CYSTM1: variants seen among roughly 807,000 people sequenced by gnomAD.
CYSTM1 encodes the protein cysteine-rich transmembrane module-containing protein 1.
A neutral mutation model predicts 13.1 loss-of-function variants in CYSTM1; 4 were observed. The ratio of observed to expected loss-of-function variants is 0.31; its 90% CI spans 0.15 to 0.70. CYSTM1 has a LOEUF of 0.70. Among genes scored for constraint, CYSTM1 ranks in the 30% least tolerant of loss-of-function variants. The pLI, the probability that CYSTM1 is intolerant of heterozygous loss-of-function variation, is 0.72. For synonymous variants in CYSTM1, 36 were observed against 42.7 expected, an observed-to-expected ratio of 0.84 and a Z score of 0.62; for missense variants, 96 against 121.6, an observed-to-expected ratio of 0.79 and a Z score of 0.99.
chr5:140,214,702 G>C (rs1262493648), intron 2 of CYSTM1, among the ~76,000 whole-genome samples: 1 of 152,188 alleles, frequency 6.6e-6, no homozygotes, highest in Non-Finnish European at 1.5e-5. Context: ...TAAACAATGA[G>C]GACATTGGTT....
chr5:140,233,716 GT>G (rs1561482498), intron 2 of CYSTM1, among the ~76,000 whole-genome samples: 1 of 152,132 alleles, frequency 6.6e-6, no homozygotes, highest in Non-Finnish European at 1.5e-5. Flanking sequence ...TTTAATTTGT[GT>G]TTTCCTAATA....
At chr5:140,180,790 A>G (rs986939576) in intron 1 of CYSTM1, among the ~76,000 whole-genome samples, 2 of 152,146 alleles carry the variant, frequency 1.3e-5, no homozygotes, top group African/African-American at 4.8e-5. Flanking sequence ...ACAACAGATG[A>G]TTTATATTTT....
At chr5:140,211,281 T>G (rs17286620) in intron 2 of CYSTM1, among the ~76,000 whole-genome samples, 1 of 152,200 alleles carries the variant, frequency 6.6e-6, no homozygotes, top group East Asian at 1.9e-4. Flanking sequence ...AACTTGTTCA[T>G]GGTCACAGAG....
chr5:140,206,310 C>T (rs909362632), intron 2 of CYSTM1, among the ~76,000 whole-genome samples: 1 of 151,594 alleles, frequency 6.6e-6, no homozygotes, highest in Non-Finnish European at 1.5e-5. Flanking sequence ...CCTTGCCTGA[C>T]ATACTGTGTT....
At chr5:140,222,448 A>G (rs1368443333) in intron 2 of CYSTM1, among the ~76,000 whole-genome samples, 3 of 152,262 alleles carry the variant, frequency 2.0e-5, no homozygotes, top group Non-Finnish European at 4.4e-5. Flanking sequence ...CTTAGGAAGT[A>G]GAGATGGCTG....
In CYSTM1 at chr5:140,219,003, G is replaced by GC. The variant is rs1764461066; in HGVS notation, c.188-24302_188-24301insC. 6.6e-6 allele frequency among the ~76,000 whole-genome samples: 1 copy of GC among 152,290 alleles called. No homozygotes were observed. Among genetic ancestry groups the GC allele is most frequent in the Middle Eastern group, 3.4e-3 (1 of 294 alleles). Reference sequence around the variant, plus strand: ...TCATGGCAAGAGGCTGGTCATGATTGTGGAGACTTTTTAAATCTGGCTTCA... The same window carrying GC: ...TCATGGCAAGAGGCTGGTCATGATTGCTGGAGACTTTTTAAATCTGGCTTCA... On this transcript the variant is annotated intron_variant, in intron 2 of 2. Coordinates refer to ENST00000261811, the MANE Select transcript of CYSTM1 (RefSeq NM_032412.4). This position sits in a 1 kb window ranked among gnomAD's most constrained non-coding sequence, Gnocchi z 4.1.
At chr5:140,191,432 A>G (rs112089704) in intron 1 of CYSTM1, among the ~76,000 whole-genome samples, 16 of 152,332 alleles carry the variant, frequency 1.1e-4, no homozygotes, top group African/African-American at 3.4e-4. Context: ...TGAGAGGGAA[A>G]CATGATGAGG....
At chr5:140,215,932 G>C (rs193298288) in intron 2 of CYSTM1, among the ~76,000 whole-genome samples, 1 of 152,156 alleles carries the variant, frequency 6.6e-6, no homozygotes, top group Non-Finnish European at 1.5e-5. Context: ...CTTGAGCCCA[G>C]GAGTTTGAGA....
intron 1 of CYSTM1, among the ~76,000 whole-genome samples, chr5:140,189,518 C>T (rs1397193114): frequency 6.6e-6 from 1 of 152,280 alleles, no homozygotes; most frequent in South Asian, 2.1e-4. Context: ...TTTATAGCAA[C>T]ACAAAACAGA....
rs545567883 is a variant in CYSTM1, at chr5:140,220,509, T to C, written c.188-22796T>C. ...GTTCCAATTGTGTTTATAATTGGTC[T>C]TGCCCAGTTTGGCATGTGGCTGTGA... On this transcript the variant is annotated intron_variant, in intron 2 of 2. Transcript: ENST00000261811. 6.6e-5 allele frequency among the ~76,000 whole-genome samples: 10 copies of C among 152,338 alleles called. No homozygotes were observed. The East Asian group carries it at 1.5e-3, about 24-fold the overall frequency.
At chr5:140,182,924 G>A (rs1041431355) in intron 1 of CYSTM1, among the ~76,000 whole-genome samples, 2 of 152,182 alleles carry the variant, frequency 1.3e-5, no homozygotes, top group Non-Finnish European at 2.9e-5. Context: ...GAGCCACCCC[G>A]CAGTGCTGAC....
At chr5:140,236,513 C>T (rs951403465) in intron 2 of CYSTM1, among the ~76,000 whole-genome samples, 1 of 152,230 alleles carries the variant, frequency 6.6e-6, no homozygotes, top group Non-Finnish European at 1.5e-5. Flanking sequence ...ACTATATGAT[C>T]TCACTATTTA....
In CYSTM1 at chr5:140,194,692, A is replaced by G. The variant is rs148751970; in HGVS notation, c.187+40A>G. Reference sequence around the variant, plus strand: ...ATATGTGGGTGTGCAGTCCCGTGTCACTAAAGGAAATGTTTGCATGTTTTC... The same window carrying G: ...ATATGTGGGTGTGCAGTCCCGTGTCGCTAAAGGAAATGTTTGCATGTTTTC... On this transcript the variant is annotated intron_variant, in intron 2 of 2. Transcript: ENST00000261811. 5.1e-5 allele frequency: 79 copies of G among 1,560,408 alleles called. No homozygotes were observed. The East Asian group carries it at 1.7e-3, about 34-fold the overall frequency.
intron 2 of CYSTM1, among the ~76,000 whole-genome samples, chr5:140,210,253 A>G (rs576552132): frequency 6.6e-6 from 1 of 152,166 alleles, no homozygotes; most frequent in South Asian, 2.1e-4. Flanking sequence ...GTCATACGCA[A>G]CTTTTCTATA....
rs1193341675 is a variant in CYSTM1 at position 140,219,756 on chromosome 5, T to C, written c.188-23549T>C. On this transcript the variant is annotated intron_variant, in intron 2 of 2. Coordinates refer to ENST00000261811, the MANE Select transcript of CYSTM1 (RefSeq NM_032412.4). This position sits in a 1 kb window ranked among gnomAD's most constrained non-coding sequence, Gnocchi z 4.1. ...TCATTAAAAATGATATGGCAGTGTT[T>C]ACCTTCTTAGAAAATGCAGCAAGTA... Among the ~76,000 whole-genome samples the C allele has an allele frequency of 6.6e-6, 1 of 152,224 alleles. No homozygotes were observed. The highest frequency in any genetic ancestry group is 1.5e-5 in the Non-Finnish European group (1 of 68,040).
chr5:140,236,281 C>T (rs898192759), intron 2 of CYSTM1, among the ~76,000 whole-genome samples: 30 of 152,300 alleles, frequency 2.0e-4, no homozygotes, highest in African/African-American at 7.0e-4. Flanking sequence ...TTGAGCCCCA[C>T]AGTTACCTTG....
chr5:140,185,748 A>G lies in CYSTM1; in HGVS notation c.-20-8698A>G, dbSNP rs576138365. 3.9e-5 allele frequency among the ~76,000 whole-genome samples: 6 copies of G among 152,334 alleles called. 1 individual carries two copies. Among genetic ancestry groups the G allele is most frequent in the African/African-American group, 1.4e-4 (6 of 41,574 alleles). On this transcript the variant is annotated intron_variant, in intron 1 of 2. Transcript: ENST00000261811. ...CTGGGGCTCCTGTGTTAAAGTGTCCATATCAGGAGCAAGTTCTTCCTAGGA... is the reference window on the plus strand; with the variant it reads ...CTGGGGCTCCTGTGTTAAAGTGTCCGTATCAGGAGCAAGTTCTTCCTAGGA...
intron 1 of CYSTM1, among the ~76,000 whole-genome samples, chr5:140,182,007 A>T (rs1459224443): frequency 1.3e-5 from 2 of 152,190 alleles, no homozygotes; most frequent in African/African-American, 4.8e-5. Flanking sequence ...GTTCCCCTGC[A>T]TGATTTTTGT....
intron 2 of CYSTM1, chr5:140,201,063 T>C (rs1764220020): frequency 6.6e-6 from 1 of 152,230 alleles, no homozygotes; most frequent in Admixed American, 6.5e-5. Flanking sequence ...ATATACCACG[T>C]TTTAGTTATC....
Sources: gnomAD v4.1 joint callset for allele counts (sites outside exome capture counted in the v4.1 genomes callset) on GRCh38, gnomAD v4.1.1 for gene constraint, Gnocchi (gnomAD v3.1) non-coding constraint, MANE v1.5 for transcripts, NCBI Gene and HGNC (gene_info 2026-07-23, HGNC 2026-07-21) for gene names.